The following LRRC7 variants were observed in gnomAD, a reference collection of about 807,000 sequenced individuals.
LRRC7 encodes leucine-rich repeat-containing protein 7.
Under a neutral mutation model 175.7 loss-of-function variants are expected in LRRC7, and 23 were observed. That is an observed-to-expected ratio of 0.13 (90% confidence interval 0.09 to 0.19). The LOEUF (loss-of-function observed/expected upper bound fraction) is 0.19, where lower values mean the gene tolerates loss of function less well. Among genes scored for constraint, LRRC7 ranks in the 10% least tolerant of loss-of-function variants. The pLI is 1.00. For missense variants in LRRC7, 1,354 were observed against 1,904.7 expected (o/e 0.71, Z 5.38); for synonymous variants, 685 against 680.9 (o/e 1.01, Z -0.09).
intron 21 of LRRC7, among the ~76,000 whole-genome samples, chr1:70,041,847 G>T (rs1219283856): frequency 2.6e-5 from 4 of 152,196 alleles, no homozygotes; most frequent in Non-Finnish European, 5.9e-5. Flanking sequence ...TCTAGATGAA[G>T]CAAGAATTTT....
intron 2 of LRRC7, among the ~76,000 whole-genome samples, chr1:69,691,797 CAAAAA>C (rs57676937): frequency 7.7e-4 from 66 of 85,196 alleles, no homozygotes; most frequent in Non-Finnish European, 1.2e-3. Context: ...GACCCTGTCT[CAAAAA>C]AAAAAAAAAA....
intron 25 of LRRC7, among the ~76,000 whole-genome samples, chr1:70,097,032 T>C (rs1378667017): frequency 1.3e-5 from 2 of 152,238 alleles, no homozygotes; most frequent in African/African-American, 4.8e-5. Context: ...AACTACAGTG[T>C]CCTTTTTCTT....
At chr1:69,898,732 A>C (rs975570375) in intron 7 of LRRC7, among the ~76,000 whole-genome samples, 2 of 151,566 alleles carry the variant, frequency 1.3e-5, no homozygotes, top group Admixed American at 6.6e-5. Flanking sequence ...ACTTCTGTAG[A>C]TAGTATCTGT....
chr1:69,852,262 C>T (rs1315191820), intron 7 of LRRC7, among the ~76,000 whole-genome samples: 2 of 151,910 alleles, frequency 1.3e-5, no homozygotes, highest in African/African-American at 4.8e-5. Context: ...CTTATTCATT[C>T]GTCTTTATTT....
chr1:69,886,363 A>G (rs1038072461), intron 7 of LRRC7, among the ~76,000 whole-genome samples: 1 of 150,188 alleles, frequency 6.7e-6, no homozygotes, highest in African/African-American at 2.4e-5. Context: ...TCCCTTTACC[A>G]TTATGTAATG....
At chr1:69,966,846 C>T (rs1234691360) in intron 8 of LRRC7, among the ~76,000 whole-genome samples, 1 of 152,224 alleles carries the variant, frequency 6.6e-6, no homozygotes, top group East Asian at 1.9e-4. Context: ...CCTGGTCTCA[C>T]AGGGGTCCTT....
intron 2 of LRRC7, among the ~76,000 whole-genome samples, chr1:69,738,340 A>G (rs1053680215): frequency 2.0e-5 from 3 of 152,078 alleles, no homozygotes; most frequent in African/African-American, 7.2e-5. Flanking sequence ...TTGCCTTCTT[A>G]TCATCCTGTT....
At chr1:70,112,800 A>G (rs1665608481) in intron 26 of LRRC7, among the ~76,000 whole-genome samples, 1 of 151,830 alleles carries the variant, frequency 6.6e-6, no homozygotes, top group Admixed American at 6.6e-5. Context: ...ACAGAAAGAA[A>G]AGGAGGAGGA....
intron 1 of LRRC7, among the ~76,000 whole-genome samples, chr1:69,603,096 T>C (rs1647146516): frequency 6.6e-6 from 1 of 151,940 alleles, no homozygotes; most frequent in African/African-American, 2.4e-5. Context: ...AATTTCTAGC[T>C]CTGTCTTCAC....
Position 70,013,113 on chromosome 1 carries a change from C to G in LRRC7, c.1250+24C>G, listed in dbSNP as rs947668429. 2.2e-6 allele frequency: 3 copies of G among 1,368,874 alleles called. No homozygotes were observed. The African/African-American group carries it at 4.4e-5, about 20-fold the overall frequency. 84.8% of individuals were successfully genotyped at this position (1,368,874 alleles called of 1,614,324 possible). On this transcript the variant is annotated intron_variant, in intron 13 of 26. Transcript: ENST00000651989. ...AGGTATTTTTGCAACATTTCACAAT[C>G]ACATATTAGTTATTTGCTGAAAGCA...
intron 2 of LRRC7, among the ~76,000 whole-genome samples, chr1:69,748,805 T>C (rs888045137): frequency 1.3e-5 from 2 of 152,168 alleles, no homozygotes; most frequent in African/African-American, 2.4e-5. Flanking sequence ...AAATAGCCTC[T>C]ATCTGACTAC....
chr1:69,706,684 T>C (rs1009211339), intron 2 of LRRC7, among the ~76,000 whole-genome samples: 30 of 152,060 alleles, frequency 2.0e-4, no homozygotes, highest in African/African-American at 7.0e-4. Context: ...AAATAGACAA[T>C]AATTGAGTTT....
intron 7 of LRRC7, among the ~76,000 whole-genome samples, chr1:69,871,736 A>G (rs1438544969): frequency 6.6e-6 from 1 of 152,018 alleles, no homozygotes; most frequent in Non-Finnish European, 1.5e-5. Context: ...ATAAACACAT[A>G]AAACCCAACT....
chr1:70,062,160 T>A (rs1427898203), intron 23 of LRRC7, among the ~76,000 whole-genome samples: 1 of 152,178 alleles, frequency 6.6e-6, no homozygotes, highest in East Asian at 1.9e-4. Context: ...TTACTTTCCC[T>A]GCCTATCAAA....
At chr1:69,610,852 A>G (rs1648612055) in intron 1 of LRRC7, among the ~76,000 whole-genome samples, 1 of 152,034 alleles carries the variant, frequency 6.6e-6, no homozygotes, top group Non-Finnish European at 1.5e-5. Flanking sequence ...ACATCTGCAG[A>G]CTGAGAATTA....
intron 4 of LRRC7, 117 bp downstream of exon 4, chr1:69,792,277 A>G: frequency 3.1e-6 from 2 of 641,060 alleles, no homozygotes; most frequent in South Asian, 2.0e-5. Flanking sequence ...TTGCAACTGT[A>G]GTTTAATGCT....
At chr1:69,664,495 C>A (rs1426440149) in intron 1 of LRRC7, among the ~76,000 whole-genome samples, 2 of 152,130 alleles carry the variant, frequency 1.3e-5, no homozygotes, top group African/African-American at 2.4e-5. Context: ...TGGGTAAAAG[C>A]CATTTTAGCT....
At chr1:69,611,135 A>T (rs1230540999) in intron 1 of LRRC7, among the ~76,000 whole-genome samples, 1 of 152,008 alleles carries the variant, frequency 6.6e-6, no homozygotes, top group Non-Finnish European at 1.5e-5. Flanking sequence ...GAAACTTTTG[A>T]CCAATGATTT....
At chr1:70,088,221 T>C (rs1000663704) in intron 24 of LRRC7, among the ~76,000 whole-genome samples, 2 of 152,176 alleles carry the variant, frequency 1.3e-5, no homozygotes, top group African/African-American at 2.4e-5. Flanking sequence ...CCTGCTAACC[T>C]TTGGTAACAC....
Sources: allele counts gnomAD v4.1 joint callset (sites outside exome capture counted in the v4.1 genomes callset), GRCh38; gene constraint gnomAD v4.1.1; transcripts MANE v1.5; gene names NCBI Gene and HGNC (gene_info 2026-07-23, HGNC 2026-07-21).